The following NBAS variants were observed in gnomAD, a reference collection of about 807,000 sequenced individuals.
The protein encoded by NBAS is NBAS subunit of NRZ tethering complex, also known as NAG/BC035112 fusion.
In NBAS, 219 loss-of-function variants were observed where a neutral mutation model predicts 302.5. The observed-to-expected ratio is 0.72, with a 90% confidence interval of 0.65 to 0.81. The LOEUF is 0.81. NBAS is among the 30% of genes least tolerant of loss of function. The pLI, the probability that NBAS is intolerant of heterozygous loss-of-function variation, is 0.00. For synonymous variants in NBAS, 1,118 were observed against 1,021.6 expected (o/e 1.09, Z -1.80); for missense variants, 2,932 against 2,841.6 (o/e 1.03, Z -0.72).
the NBAS span, among the ~76,000 whole-genome samples, chr2:14,789,166 GT>G: frequency 6.6e-6 from 1 of 152,180 alleles, no homozygotes; most frequent in African/African-American, 2.4e-5. Flanking sequence ...CTGGTGTGCC[GT>G]TTTTTAAGCC....
intron 38 of NBAS, among the ~76,000 whole-genome samples, chr2:15,325,469 G>A (rs59684486): frequency 0.035 from 5,339 of 152,226 alleles, 273 homozygotes; most frequent in African/African-American, 0.12. Context: ...GCTGCTGACT[G>A]ATCAGGATTG....
chr2:14,925,776 G>C, the NBAS span, among the ~76,000 whole-genome samples: 1 of 152,140 alleles, frequency 6.6e-6, no homozygotes, highest in Non-Finnish European at 1.5e-5. Context: ...TAACTATACT[G>C]TGAGCCCCCA....
At chr2:15,253,477 C>T (rs1252381772) in intron 44 of NBAS, among the ~76,000 whole-genome samples, 2 of 152,186 alleles carry the variant, frequency 1.3e-5, no homozygotes, top group South Asian at 4.1e-4. Flanking sequence ...GGGAAACTTA[C>T]ACATTAACCT....
At chr2:15,240,871 C>T (rs1430486457) in intron 44 of NBAS, among the ~76,000 whole-genome samples, 3 of 152,048 alleles carry the variant, frequency 2.0e-5, no homozygotes, top group African/African-American at 7.2e-5. Context: ...ACTGTTAACT[C>T]CTCCCTGTGA....
chr2:14,821,685 G>A, the NBAS span, among the ~76,000 whole-genome samples: 23 of 152,056 alleles, frequency 1.5e-4, no homozygotes, highest in East Asian at 3.7e-3. Flanking sequence ...TAGGACTCCA[G>A]CAAAAAAGTC....
At chr2:15,256,647 A>G (rs1427576483) in intron 44 of NBAS, among the ~76,000 whole-genome samples, 1 of 152,176 alleles carries the variant, frequency 6.6e-6, no homozygotes, top group Non-Finnish European at 1.5e-5. Flanking sequence ...TCTCAGAGAA[A>G]ATGCTTTCAA....
chr2:15,514,798 T>A (rs1662310453), intron 9 of NBAS, among the ~76,000 whole-genome samples: 1 of 152,216 alleles, frequency 6.6e-6, no homozygotes, highest in Non-Finnish European at 1.5e-5. Flanking sequence ...AGATTTTTTA[T>A]GTCCTGGGTA....
chr2:15,313,531 T>G (rs1000127238), intron 38 of NBAS, among the ~76,000 whole-genome samples: 2 of 152,238 alleles, frequency 1.3e-5, no homozygotes, highest in Non-Finnish European at 2.9e-5. Context: ...TTGACAATGT[T>G]ATGCTATGAC....
At chr2:14,984,393 A>G in the NBAS span, among the ~76,000 whole-genome samples, 1 of 152,242 alleles carries the variant, frequency 6.6e-6, no homozygotes, top group African/African-American at 2.4e-5. Flanking sequence ...AAGGTGAAAC[A>G]AGGGCAATTT....
chr2:15,016,195 T>TA, the NBAS span, among the ~76,000 whole-genome samples: 35 of 152,128 alleles, frequency 2.3e-4, no homozygotes, highest in African/African-American at 8.0e-4. Flanking sequence ...AGTCACATCT[T>TA]ACATGGCAGC....
intron 11 of NBAS, among the ~76,000 whole-genome samples, chr2:15,500,702 G>A (rs1036145663): frequency 6.6e-6 from 1 of 151,592 alleles, no homozygotes; most frequent in Non-Finnish European, 1.5e-5. Flanking sequence ...TTGGGAGGCC[G>A]AGGCGGGTGG....
chr2:15,420,121 G>C (rs765809031), intron 23 of NBAS, among the ~76,000 whole-genome samples: 1 of 152,126 alleles, frequency 6.6e-6, no homozygotes, highest in African/African-American at 2.4e-5. Flanking sequence ...ACAGTAGCAC[G>C]CTGGGCAATA....
chr2:14,804,780 T>C, the NBAS span, among the ~76,000 whole-genome samples: 1 of 152,214 alleles, frequency 6.6e-6, no homozygotes. Context: ...TAGGTGTATG[T>C]AATAAGATAA....
chr2:15,280,056 T>C (rs919613726), intron 42 of NBAS, among the ~76,000 whole-genome samples: 2 of 152,190 alleles, frequency 1.3e-5, no homozygotes, highest in African/African-American at 2.4e-5. Flanking sequence ...CTTATATACA[T>C]AGTGCATATT....
chr2:15,309,268 A>G (rs1468637811), intron 38 of NBAS, 21 bp from the exon 39 acceptor site: 5 of 1,588,666 alleles, frequency 3.1e-6, no homozygotes, highest in Admixed American at 3.4e-5. Flanking sequence ...AAAAAGAAAC[A>G]TTATTTTACT....
intron 11 of NBAS, among the ~76,000 whole-genome samples, chr2:15,497,662 T>C (rs1204896212): frequency 6.6e-6 from 1 of 152,186 alleles, no homozygotes; most frequent in Admixed American, 6.5e-5. Context: ...TATACAAATC[T>C]GAAGTGCAGA....
intron 31 of NBAS, among the ~76,000 whole-genome samples, chr2:15,368,030 A>C (rs1200020149): frequency 6.6e-6 from 1 of 152,148 alleles, no homozygotes; most frequent in African/African-American, 2.4e-5. Flanking sequence ...ACATATTTAT[A>C]ATACACATAT....
chr2:15,555,500 A>G (rs1664604564), intron 3 of NBAS, among the ~76,000 whole-genome samples: 1 of 152,146 alleles, frequency 6.6e-6, no homozygotes, highest in Non-Finnish European at 1.5e-5. Context: ...CAGGTTTATT[A>G]TATTGTCAAT....
intron 21 of NBAS, among the ~76,000 whole-genome samples, chr2:15,457,137 G>C (rs1171246814): frequency 6.6e-6 from 1 of 152,176 alleles, no homozygotes; most frequent in Non-Finnish European, 1.5e-5. Context: ...AATGGAGAGA[G>C]CAGGGGGCTC....
Sources: gnomAD v4.1 joint callset for allele counts (sites outside exome capture counted in the v4.1 genomes callset) on GRCh38, gnomAD v4.1.1 for gene constraint, MANE v1.5 for transcripts, NCBI Gene and HGNC (gene_info 2026-07-23, HGNC 2026-07-21) for gene names.